COL28A1: variants seen among roughly 807,000 people sequenced by gnomAD.
COL28A1 encodes collagen type XXVIII alpha 1 chain, also known as collagen alpha-1(XXVIII) chain.
A neutral mutation model predicts 150.2 loss-of-function variants in COL28A1; 161 were observed. That is an observed-to-expected ratio of 1.07 (90% CI 0.94 to 1.22). The LOEUF is 1.22. Among genes scored for constraint, COL28A1 ranks in the 50% most tolerant of loss-of-function variants. The pLI is 0.00. For synonymous variants in COL28A1, 552 were observed against 469.7 expected (o/e 1.18, Z -2.26); for missense variants, 1,617 against 1,388.3 (o/e 1.16, Z -2.62).
chr7:7,502,252 G>A (rs559335868), intron 11 of COL28A1, among the ~76,000 whole-genome samples: 13 of 152,316 alleles, frequency 8.5e-5, no homozygotes, highest in African/African-American at 2.9e-4. Context: ...TAGAGGATGA[G>A]GTGGACTCTG....
intron 27 of COL28A1, among the ~76,000 whole-genome samples, chr7:7,416,727 G>C (rs1784097875): frequency 6.6e-6 from 1 of 152,218 alleles, no homozygotes; most frequent in African/African-American, 2.4e-5. Flanking sequence ...ACCTGCTGTA[G>C]AAGCTCTAGA....
the COL28A1 span, among the ~76,000 whole-genome samples, chr7:7,346,440 T>C: frequency 3.3e-5 from 5 of 152,084 alleles, no homozygotes; most frequent in Admixed American, 2.0e-4. Flanking sequence ...AAAATGAAGA[T>C]AATCTAGAGA....
At chr7:7,364,140 T>G (rs947977856) in intron 33 of COL28A1, among the ~76,000 whole-genome samples, 1 of 152,206 alleles carries the variant, frequency 6.6e-6, no homozygotes, top group Non-Finnish European at 1.5e-5. Context: ...TTCTAGATGA[T>G]GCACAGTACC....
chr7:7,368,942 C>T (rs1583226446), intron 33 of COL28A1, among the ~76,000 whole-genome samples: 1 of 152,140 alleles, frequency 6.6e-6, no homozygotes, highest in Non-Finnish European at 1.5e-5. Context: ...TACCTATCTC[C>T]CTGAAAAAAT....
At chr7:7,422,534 C>T (rs1052553915) in intron 25 of COL28A1, among the ~76,000 whole-genome samples, 2 of 151,814 alleles carry the variant, frequency 1.3e-5, no homozygotes, top group South Asian at 4.2e-4. Context: ...GAGGCTGAGG[C>T]GGGAGAATCA....
chr7:7,355,889 C>A (rs1780340936), downstream of COL28A1, among the ~76,000 whole-genome samples: 1 of 152,078 alleles, frequency 6.6e-6, no homozygotes, highest in Admixed American at 6.5e-5. Flanking sequence ...TGAATAAGAG[C>A]ATTCACAGCA....
In COL28A1 at chr7:7,532,694, T is replaced by C. The variant is rs573620884; in HGVS notation, c.124+58A>G. The C allele has an allele frequency of 6.9e-5, 108 of 1,564,432 alleles. 1 individual carries two copies. The highest frequency in any genetic ancestry group is 9.1e-5 in the Non-Finnish European group (106 of 1,164,150). On this transcript the variant is annotated intron_variant, in intron 2 of 34. Transcript: ENST00000399429. ...TTATATCAAATGCTATTTAGAAAAA[T>C]TCACATAAGTATTTTTAACAGGCTA...
At position 7,506,028 on chromosome 7, in the gene COL28A1, A is replaced by T; in HGVS notation, c.1012T>A (p.Phe338Ile). ...GPPGDPGPKG[F>I]QGNKGEPGPP... ...GGTAAGATTACCTTATTGCCTTGAA[A>T]CCCCTTTGGGCCTGGGTCTCCTGGA... Residue 338 changes from phenylalanine to isoleucine, a missense_variant, in exon 11 of 35, where the codon TTT (phenylalanine) becomes ATT (isoleucine). Coordinates refer to ENST00000399429, the MANE Select transcript of COL28A1 (RefSeq NM_001037763.3). 1 of 1,444,370 alleles carries T rather than the reference A, an allele frequency of 6.9e-7. No individual in the cohort carries two copies. The highest frequency in any genetic ancestry group is 9.8e-7 in the Non-Finnish European group (1 of 1,025,468). The allele number at this position is 1,444,370 out of a possible 1,614,324, so 89.5% of individuals were successfully genotyped here.
At chr7:7,418,635 C>A (rs1352472102) in intron 26 of COL28A1, among the ~76,000 whole-genome samples, 1 of 152,048 alleles carries the variant, frequency 6.6e-6, no homozygotes, top group Non-Finnish European at 1.5e-5. Flanking sequence ...ATGGAAGAAG[C>A]CTTCAGAAGT....
chr7:7,447,092 G>C (rs971252831), intron 18 of COL28A1, among the ~76,000 whole-genome samples: 3 of 151,966 alleles, frequency 2.0e-5, no homozygotes, highest in African/African-American at 7.3e-5. Flanking sequence ...TTCTAAAAAG[G>C]GTCTTACCTC....
At chr7:7,511,534 A>G in intron 8 of COL28A1, 1 of 298,772 alleles carries the variant, frequency 3.3e-6, no homozygotes, top group South Asian at 3.0e-5. Flanking sequence ...TAAACTCAAC[A>G]AGATAATTTC....
At chr7:7,477,538 C>G (rs1227321550) in intron 13 of COL28A1, among the ~76,000 whole-genome samples, 1 of 152,188 alleles carries the variant, frequency 6.6e-6, no homozygotes, top group African/African-American at 2.4e-5. Flanking sequence ...CGCGGACCCT[C>G]GCGGTGAGTG....
chr7:7,425,057 T>C (rs1784582815), intron 25 of COL28A1, among the ~76,000 whole-genome samples: 1 of 152,178 alleles, frequency 6.6e-6, no homozygotes, highest in Admixed American at 6.5e-5. Context: ...CTTTGGTTAA[T>C]ATTAAAACTA....
At chr7:7,380,945 CA>C in intron 28 of COL28A1, 83 bp from the exon 29 acceptor site, 1 of 1,152,620 alleles carries the variant, frequency 8.7e-7, no homozygotes, top group Non-Finnish European at 1.3e-6. Context: ...TGGTTATCTG[CA>C]ACTGGCATCT....
At chr7:7,438,997 G>A (rs1352646780) in intron 21 of COL28A1, among the ~76,000 whole-genome samples, 3 of 152,190 alleles carry the variant, frequency 2.0e-5, no homozygotes, top group African/African-American at 7.2e-5. Flanking sequence ...GAGATGAGTC[G>A]TGGAGAATGA....
At chr7:7,477,653 A>T (rs1255856580) in intron 13 of COL28A1, among the ~76,000 whole-genome samples, 2 of 152,170 alleles carry the variant, frequency 1.3e-5, no homozygotes. Flanking sequence ...TGGCTTCAGG[A>T]GTGAAGCTGC....
chr7:7,460,617 C>T (rs1025201549), intron 15 of COL28A1, among the ~76,000 whole-genome samples: 1 of 152,116 alleles, frequency 6.6e-6, no homozygotes, highest in East Asian at 1.9e-4. Context: ...CTCCTGACCT[C>T]GTGATCCGCC....
chr7:7,419,964 A>C lies in COL28A1; in HGVS notation c.1999-11T>G, dbSNP rs752203558. ...GACCCCAGGCTCTCCCTGAAAAGAC[A>C]CAACAAATAACAAGTTACTAATTTT... On this transcript the variant is annotated splice_polypyrimidine_tract_variant and intron_variant, in intron 25 of 34. Coordinates refer to ENST00000399429, the MANE Select transcript of COL28A1 (RefSeq NM_001037763.3). 4.6e-5 allele frequency: 71 copies of C among 1,555,656 alleles called. No individual in the cohort carries two copies. Among genetic ancestry groups the C allele is most frequent in the Non-Finnish European group, 5.8e-5 (67 of 1,152,990 alleles).
chr7:7,347,395 A>G, the COL28A1 span, among the ~76,000 whole-genome samples: 580 of 152,200 alleles, frequency 3.8e-3, 7 homozygotes, highest in African/African-American at 0.013. Flanking sequence ...GGCTGTTCAT[A>G]TTTTATTGCT....
Sources: allele counts gnomAD v4.1 joint callset (sites outside exome capture counted in the v4.1 genomes callset), GRCh38; gene constraint gnomAD v4.1.1; transcripts MANE v1.5; gene names NCBI Gene and HGNC (gene_info 2026-07-23, HGNC 2026-07-21).